The following MAGI1 variants were observed in gnomAD, a reference collection of about 807,000 sequenced individuals.
The protein encoded by MAGI1 is membrane associated guanylate kinase, WW and PDZ domain containing 1, also known as membrane-associated guanylate kinase, WW and PDZ domain-containing protein 1.
A neutral mutation model predicts 139.9 loss-of-function variants in MAGI1; 58 were observed. The ratio of observed to expected loss-of-function variants is 0.41; its 90% confidence interval spans 0.34 to 0.52. The LOEUF is 0.52. MAGI1 is among the 20% of genes least tolerant of loss of function. MAGI1 has a pLI of 0.12. For missense variants in MAGI1, 1,874 were observed against 1,901.6 expected (o/e 0.99, Z 0.27); for synonymous variants, 812 against 737.9 (o/e 1.10, Z -1.63).
chr3:65,834,771 T>C (rs11918837), intron 1 of MAGI1, among the ~76,000 whole-genome samples: 2,788 of 152,356 alleles, frequency 0.018, 79 homozygotes, highest in African/African-American at 0.063. Context: ...GTTTGTTGCA[T>C]AGGCATTTAG....
rs764548432 is a variant in MAGI1, at chr3:65,379,491, G to A, written c.2765C>T (p.Ala922Val). The A allele has an allele frequency of 7.4e-6, 12 of 1,613,818 alleles. No individual in the cohort carries two copies. Residue 922 changes from alanine to valine, a missense_variant, in exon 17 of 23, where the codon GCC (alanine) becomes GTC (valine). Around this residue, in one of 5 missense-constraint regions of MAGI1, gnomAD observed 482 missense variants for 509.6 expected, o/e 0.95. Transcript: ENST00000402939. ...AGTGCGCTTCTCTTCTGTCAGCGAG[G>A]CCGGCTGGTTGCTACTGTGATGAGA... ...ASSHHSSNQP[A>V]SLTEEKRTPQ...
intron 1 of MAGI1, among the ~76,000 whole-genome samples, chr3:65,703,036 C>T (rs921508249): frequency 1.3e-5 from 2 of 151,956 alleles, no homozygotes; most frequent in Non-Finnish European, 2.9e-5. Context: ...ACTGAGAGGA[C>T]GGGCTTGGAG....
rs533213555 is a variant in MAGI1, at chr3:65,610,814, G to T, written c.430+11158C>A. Among the ~76,000 whole-genome samples, 11 of 101,246 alleles carry T rather than the reference G, an allele frequency of 1.1e-4. No individual in the cohort carries two copies. In the South Asian group the frequency reaches 3.1e-3, roughly 28 times the overall value. The allele number at this position is 101,246 out of a possible 152,430, so 66.4% of individuals were successfully genotyped here. A position where few individuals can be genotyped will look rare whatever the true frequency, so the allele number is the denominator to read the frequency against. On this transcript the variant is annotated intron_variant, in intron 2 of 22. Transcript: ENST00000402939. ...TATATAGTATATATAGGTATATATA[G>T]TATATAGTATATATACAGTAGATAG...
intron 1 of MAGI1, among the ~76,000 whole-genome samples, chr3:65,900,755 G>A (rs556090861): frequency 7.2e-5 from 11 of 152,132 alleles, no homozygotes; most frequent in African/African-American, 1.9e-4. Flanking sequence ...CATCATTTTC[G>A]CATAGAACGC....
Position 65,484,584 on chromosome 3 carries a change from G to A in MAGI1, c.551-5786C>T, listed in dbSNP as rs79613896. Among the ~76,000 whole-genome samples the A allele has an allele frequency of 7.5e-3, 1,137 of 152,182 alleles. 14 individuals carry two copies. Among genetic ancestry groups the A allele is most frequent in the African/African-American group, 0.026 (1,085 of 41,518 alleles). ...ATATCTGATTTTGCCTTGGCCTCACGGTCCTGAGTGGTCTGCCCCATGCCC... is the reference window on the plus strand; with the variant it reads ...ATATCTGATTTTGCCTTGGCCTCACAGTCCTGAGTGGTCTGCCCCATGCCC... On this transcript the variant is annotated intron_variant, in intron 3 of 22. Coordinates refer to ENST00000402939, the MANE Select transcript of MAGI1 (RefSeq NM_001033057.2).
At chr3:65,422,623 G>C (rs769941229) in intron 12 of MAGI1, among the ~76,000 whole-genome samples, 5 of 152,176 alleles carry the variant, frequency 3.3e-5, no homozygotes, top group Non-Finnish European at 7.3e-5. Flanking sequence ...GGATAAAGTA[G>C]TGATTGCAAC....
At chr3:65,595,885 C>G (rs554571796) in intron 2 of MAGI1, among the ~76,000 whole-genome samples, 1 of 152,176 alleles carries the variant, frequency 6.6e-6, no homozygotes, top group East Asian at 1.9e-4. Context: ...CTGCCCCATC[C>G]CCTTTCCCAA....
intron 1 of MAGI1, among the ~76,000 whole-genome samples, chr3:65,975,699 A>C (rs767423328): frequency 1.4e-4 from 21 of 152,140 alleles, no homozygotes; most frequent in Non-Finnish European, 2.5e-4. Context: ...TTGCATCACC[A>C]AATCTTTACA....
At chr3:65,456,518 A>C (rs994313584) in intron 5 of MAGI1, among the ~76,000 whole-genome samples, 1 of 151,966 alleles carries the variant, frequency 6.6e-6, no homozygotes, top group African/African-American at 2.4e-5. Flanking sequence ...CAAATCAAAA[A>C]ATTTTCATTT....
intron 1 of MAGI1, among the ~76,000 whole-genome samples, chr3:65,953,831 T>G (rs1392294400): frequency 6.6e-6 from 1 of 152,220 alleles, no homozygotes; most frequent in Non-Finnish European, 1.5e-5. Context: ...AACATTTATC[T>G]AGAAAGGCAA....
intron 1 of MAGI1, among the ~76,000 whole-genome samples, chr3:65,718,844 T>C (rs1309961045): frequency 6.6e-6 from 1 of 152,124 alleles, no homozygotes; most frequent in Non-Finnish European, 1.5e-5. Context: ...CAGATTTCCA[T>C]CTGGTCTTTC....
At chr3:65,583,485 T>C (rs1034083333) in intron 2 of MAGI1, among the ~76,000 whole-genome samples, 3 of 152,154 alleles carry the variant, frequency 2.0e-5, no homozygotes, top group African/African-American at 7.2e-5. Context: ...TTTTGTTGAA[T>C]TCCAGTGACA....
chr3:65,599,857 G>C (rs954648252), intron 2 of MAGI1, among the ~76,000 whole-genome samples: 1 of 151,626 alleles, frequency 6.6e-6, no homozygotes, highest in Admixed American at 6.6e-5. Context: ...AAGATGTCTC[G>C]GAAGAAACAC....
At chr3:65,486,933 T>C (rs1951674811) in intron 3 of MAGI1, among the ~76,000 whole-genome samples, 1 of 152,204 alleles carries the variant, frequency 6.6e-6, no homozygotes, top group Admixed American at 6.5e-5. Context: ...GGAGTTATCT[T>C]AGGAGGATTG....
intron 12 of MAGI1, among the ~76,000 whole-genome samples, chr3:65,407,622 CTG>C (rs1320351427): frequency 6.6e-5 from 10 of 152,052 alleles, no homozygotes; most frequent in African/African-American, 2.4e-4. Flanking sequence ...AGGGTAAAAA[CTG>C]TGCATAGAAT....
intron 12 of MAGI1, among the ~76,000 whole-genome samples, chr3:65,418,636 C>G (rs575829470): frequency 4.0e-4 from 61 of 152,264 alleles, no homozygotes; most frequent in African/African-American, 1.4e-3. Flanking sequence ...TTACTTTCTT[C>G]CTGTCTTTTG....
chr3:65,914,737 G>A (rs926100296), intron 1 of MAGI1, among the ~76,000 whole-genome samples: 1 of 152,148 alleles, frequency 6.6e-6, no homozygotes, highest in African/African-American at 2.4e-5. Context: ...ACCCAAATGT[G>A]CCAAACAAAT....
At chr3:65,430,568 T>C in intron 11 of MAGI1, 131 bp downstream of exon 11, 1 of 924,326 alleles carries the variant, frequency 1.1e-6, no homozygotes, top group Non-Finnish European at 1.6e-6. Flanking sequence ...TCAAGGTGTT[T>C]AAAGCTGTAA....
intron 3 of MAGI1, 26 bp from the exon 4 acceptor site, chr3:65,478,824 A>G: frequency 6.4e-7 from 1 of 1,554,958 alleles, no homozygotes; most frequent in African/African-American, 1.4e-5. Context: ...ACACATTTGC[A>G]TGTTTCAAAA....
Sources: gnomAD v4.1 joint callset for allele counts (sites outside exome capture counted in the v4.1 genomes callset) on GRCh38, gnomAD v4.1.1 for gene constraint, gnomAD v4.1.1 regional missense constraint, MANE v1.5 for transcripts, NCBI Gene and HGNC (gene_info 2026-07-23, HGNC 2026-07-21) for gene names.